Variants in ALCAM observed in about 807,000 individuals in gnomAD.
ALCAM encodes the protein CD166 antigen.
ALCAM carries 30 observed loss-of-function variants against 70.9 expected under a neutral mutation model. That is an observed-to-expected ratio of 0.42 (90% CI 0.32 to 0.57). The LOEUF (loss-of-function observed/expected upper bound fraction) is 0.57. Ranked by LOEUF, ALCAM falls within the 20% of genes least tolerant of loss-of-function variation. The probability of loss-of-function intolerance (pLI) is 0.11; values close to 1 mark genes in which losing one functional copy is unlikely to be tolerated. For missense variants in ALCAM, 591 were observed against 695.1 expected, an observed-to-expected ratio of 0.85 and a Z score of 1.68; for synonymous variants, 249 against 242.5, an observed-to-expected ratio of 1.03 and a Z score of -0.25.
At chr3:105,487,748 A>C (rs951076282) in intron 1 of ALCAM, among the ~76,000 whole-genome samples, 1 of 152,188 alleles carries the variant, frequency 6.6e-6, no homozygotes, top group Non-Finnish European at 1.5e-5. Flanking sequence ...TTCTAACCCC[A>C]GAAGTGAGAC....
chr3:105,464,477 C>T (rs1360151108), intron 1 of ALCAM, among the ~76,000 whole-genome samples: 1 of 151,182 alleles, frequency 6.6e-6, no homozygotes, highest in African/African-American at 2.4e-5. Flanking sequence ...AGTCAGGAGC[C>T]TAGTTTTTCC....
intron 1 of ALCAM, among the ~76,000 whole-genome samples, chr3:105,431,800 G>A (rs569844399): frequency 8.5e-5 from 13 of 152,206 alleles, no homozygotes; most frequent in African/African-American, 3.1e-4. Flanking sequence ...TGGAAGTGCA[G>A]CATTATCATT....
intron 2 of ALCAM, among the ~76,000 whole-genome samples, chr3:105,523,718 A>T (rs1390248750): frequency 6.6e-6 from 1 of 152,356 alleles, no homozygotes; most frequent in South Asian, 2.1e-4. Flanking sequence ...TGTATTAGTT[A>T]ATCTGACTCA....
intron 1 of ALCAM, among the ~76,000 whole-genome samples, chr3:105,465,301 CTG>C (rs1937685186): frequency 1.3e-5 from 2 of 151,330 alleles, no homozygotes; most frequent in African/African-American, 4.8e-5. Flanking sequence ...TCAGTCAACA[CTG>C]TTACATGACC....
In ALCAM at chr3:105,555,475, T is replaced by G. The variant is rs370271762; in HGVS notation, c.1664+2890T>G. ...TAGTCTTCTTAACCCTTCAAGCTGC[T>G]CATGCAGAGTAAGTTCAGATTCATA... On this transcript the variant is annotated intron_variant, in intron 14 of 15. Coordinates refer to ENST00000306107, the MANE Select transcript of ALCAM (RefSeq NM_001627.4). Among the ~76,000 whole-genome samples, 19 of 152,160 alleles carry G rather than the reference T, an allele frequency of 1.2e-4. 1 individual carries two copies. The South Asian group carries it at 3.9e-3, about 31-fold the overall frequency.
intron 1 of ALCAM, among the ~76,000 whole-genome samples, chr3:105,415,759 T>C (rs1438538): frequency 0.69 from 104,752 of 151,926 alleles, 36,432 homozygotes; most frequent in East Asian, 0.93. Context: ...ATACTTTTGC[T>C]AGTGGCTTGC....
At chr3:105,481,745 T>C (rs1938276851) in intron 1 of ALCAM, among the ~76,000 whole-genome samples, 1 of 152,170 alleles carries the variant, frequency 6.6e-6, no homozygotes, top group Non-Finnish European at 1.5e-5. Flanking sequence ...GAGGTTTTCT[T>C]TTTTGGAGGA....
chr3:105,523,149 A>ACC (rs1939595110), intron 2 of ALCAM, among the ~76,000 whole-genome samples: 1 of 148,000 alleles, frequency 6.8e-6, no homozygotes, highest in Non-Finnish European at 1.5e-5. Context: ...CAAAAAAAAA[A>ACC]AAAAAAAAAA....
chr3:105,574,266 CA>C (rs996109824), intron 15 of ALCAM, among the ~76,000 whole-genome samples: 1 of 151,474 alleles, frequency 6.6e-6, no homozygotes, highest in Admixed American at 6.6e-5. Context: ...ATTAATTTTA[CA>C]AAAAAAGAAA....
intron 14 of ALCAM, chr3:105,553,293 C>T (rs917988824): frequency 5.1e-6 from 1 of 197,282 alleles, no homozygotes; most frequent in East Asian, 1.9e-4. Context: ...TTATACTTCT[C>T]ATCATCTCAC....
rs556314111 is a variant in ALCAM at position 105,485,610 on chromosome 3, T to A, written c.74-34457T>A. On this transcript the variant is annotated intron_variant, in intron 1 of 15. Coordinates refer to ENST00000306107, the MANE Select transcript of ALCAM (RefSeq NM_001627.4). ...TTAATAAATATACACATAGTAAATA[T>A]TTATTACTATTATCATCTGTGTTAT... 2.0e-5 allele frequency among the ~76,000 whole-genome samples: 3 copies of A among 152,144 alleles called. No homozygotes were observed. In the South Asian group the frequency reaches 6.2e-4, roughly 32 times the overall value.
At chr3:105,426,581 TG>T (rs1936796533) in intron 1 of ALCAM, among the ~76,000 whole-genome samples, 1 of 151,942 alleles carries the variant, frequency 6.6e-6, no homozygotes, top group Non-Finnish European at 1.5e-5. Flanking sequence ...GTCATCCTGC[TG>T]TGCAATAGAC....
chr3:105,432,649 T>C (rs1181378021), intron 1 of ALCAM, among the ~76,000 whole-genome samples: 1 of 152,120 alleles, frequency 6.6e-6, no homozygotes, highest in African/African-American at 2.4e-5. Context: ...TTACATAAAA[T>C]GTCAAACTTA....
intron 1 of ALCAM, among the ~76,000 whole-genome samples, chr3:105,388,180 T>G (rs1935707300): frequency 6.6e-6 from 1 of 151,676 alleles, no homozygotes; most frequent in African/African-American, 2.4e-5. Flanking sequence ...GTTATATTTA[T>G]AAATAGAGCA....
intron 1 of ALCAM, among the ~76,000 whole-genome samples, chr3:105,499,030 T>C (rs998461602): frequency 1.3e-5 from 2 of 152,196 alleles, no homozygotes; most frequent in Non-Finnish European, 2.9e-5. Context: ...ATACAAAGGA[T>C]ATAACTTATC....
intron 1 of ALCAM, among the ~76,000 whole-genome samples, chr3:105,400,964 C>T (rs1936073874): frequency 6.6e-6 from 1 of 152,122 alleles, no homozygotes; most frequent in African/African-American, 2.4e-5. Context: ...ATTTTGTACA[C>T]AAAGTAGGCA....
At chr3:105,398,526 C>CTT (rs1043456847) in intron 1 of ALCAM, among the ~76,000 whole-genome samples, 3 of 151,950 alleles carry the variant, frequency 2.0e-5, no homozygotes, top group Non-Finnish European at 4.4e-5. Flanking sequence ...TCTTTCTGAT[C>CTT]TTTTGGTAGC....
rs374745610 is a variant in ALCAM, at chr3:105,389,144, T to C, written c.73+21663T>C. Reference sequence around the variant, plus strand: ...TACACAAGAAAAGTGGAAGGTATGGTGTACTAAATATGACAAATATGACAC... The same window carrying C: ...TACACAAGAAAAGTGGAAGGTATGGCGTACTAAATATGACAAATATGACAC... On this transcript the variant is annotated intron_variant, in intron 1 of 15. Transcript: ENST00000306107. 2.4e-3 allele frequency among the ~76,000 whole-genome samples: 370 copies of C among 151,612 alleles called. 3 individuals carry two copies. The highest frequency in any genetic ancestry group is 0.014 in the South Asian group (69 of 4,832).
chr3:105,510,308 A>G (rs893633100), intron 1 of ALCAM, among the ~76,000 whole-genome samples: 3 of 152,126 alleles, frequency 2.0e-5, no homozygotes, highest in African/African-American at 7.2e-5. Context: ...CAGCCCTCAT[A>G]GGAGTCTCTT....
Sources: allele counts gnomAD v4.1 joint callset (sites outside exome capture counted in the v4.1 genomes callset), GRCh38; gene constraint gnomAD v4.1.1; transcripts MANE v1.5; gene names NCBI Gene and HGNC (gene_info 2026-07-23, HGNC 2026-07-21).